PCSK6: variants seen among roughly 807,000 people sequenced by gnomAD.
PCSK6 encodes the protein paired basic amino acid cleaving enzyme 4.
Under a neutral mutation model 123.3 loss-of-function variants are expected in PCSK6, and 85 were observed. The ratio of observed to expected loss-of-function variants is 0.69; its 90% CI spans 0.58 to 0.83. PCSK6 has a LOEUF of 0.83. Among genes scored for constraint, PCSK6 ranks in the 40% least tolerant of loss-of-function variants. PCSK6 has a pLI of 0.00. For missense variants in PCSK6, 1,191 were observed against 1,282.3 expected, an observed-to-expected ratio of 0.93 and a Z score of 1.09; for synonymous variants, 508 against 516.0, an observed-to-expected ratio of 0.98 and a Z score of 0.21.
chr15:101,463,752 C>T (rs886533279), intron 1 of PCSK6, among the ~76,000 whole-genome samples: 3 of 152,004 alleles, frequency 2.0e-5, no homozygotes, highest in East Asian at 1.9e-4. Flanking sequence ...AACAACGTGC[C>T]GGGGAGTTGG....
At chr15:101,387,286 C>T (rs1165974186) in intron 9 of PCSK6, among the ~76,000 whole-genome samples, 1 of 152,180 alleles carries the variant, frequency 6.6e-6, no homozygotes, top group South Asian at 2.1e-4. Context: ...GTCACAGGTG[C>T]AGGCTTTGGA....
At chr15:101,467,646 A>C (rs1384506991) in intron 1 of PCSK6, among the ~76,000 whole-genome samples, 1 of 152,238 alleles carries the variant, frequency 6.6e-6, no homozygotes, top group African/African-American at 2.4e-5. Context: ...GCTGGCCAAA[A>C]AACACGGTAG....
In PCSK6 at chr15:101,305,155, G is replaced by A. The variant is rs2039691769; in HGVS notation, c.*103C>T. The A allele has an allele frequency of 1.1e-6, 1 of 949,134 alleles. No homozygotes were observed. Among genetic ancestry groups the A allele is most frequent in the Non-Finnish European group, 1.6e-6 (1 of 616,878 alleles). The allele number at this position is 949,134 out of a possible 1,614,324, so 58.8% of individuals were successfully genotyped here. A position where few individuals can be genotyped will look rare whatever the true frequency, so the allele number is the denominator to read the frequency against. On this transcript the variant is annotated 3_prime_UTR_variant, in exon 22 of 22. Transcript: ENST00000611716. The surrounding 1 kb of genome is among the most constrained non-coding windows in gnomAD (Gnocchi z 4.8). ...GCTCCTGGGGAGATAAAGCTGTCAG[G>A]TGCAGGGCGCCGCTCCTGAAACAGA... is the stretch of plus-strand genomic sequence containing the variant.
At chr15:101,426,185 GC>G (rs780911609) in intron 6 of PCSK6, among the ~76,000 whole-genome samples, 3 of 152,148 alleles carry the variant, frequency 2.0e-5, no homozygotes, top group African/African-American at 4.8e-5. Flanking sequence ...GGAAGGAGGA[GC>G]TCAGCTATCC....
At chr15:101,408,904 T>C (rs144930851) in intron 6 of PCSK6, among the ~76,000 whole-genome samples, 278 of 152,346 alleles carry the variant, frequency 1.8e-3, no homozygotes, top group African/African-American at 6.2e-3. Context: ...AGGAAAAACA[T>C]GATTCAGTTC....
At chr15:101,396,387 C>T (rs183190994) in intron 7 of PCSK6, among the ~76,000 whole-genome samples, 126 of 152,212 alleles carry the variant, frequency 8.3e-4, no homozygotes, top group African/African-American at 2.5e-3. Context: ...CCCTCCTGGA[C>T]GGAGGGTGCC....
At chr15:101,330,051 G>A (rs1336321371) in intron 15 of PCSK6, among the ~76,000 whole-genome samples, 2 of 152,186 alleles carry the variant, frequency 1.3e-5, no homozygotes, top group African/African-American at 4.8e-5. Context: ...GGAGTCCCTG[G>A]GGTGGCCTCC....
At chr15:101,413,687 G>A (rs2055784793) in intron 6 of PCSK6, among the ~76,000 whole-genome samples, 3 of 152,092 alleles carry the variant, frequency 2.0e-5, no homozygotes, top group African/African-American at 2.4e-5. Context: ...TAGAAGAGAG[G>A]ACTTGAAATG....
At position 101,307,218 on chromosome 15, in the gene PCSK6, C is replaced by A. The variant is rs770686979; in HGVS notation, c.2807G>T (p.Ser936Ile). 4 of 1,611,874 alleles carry A rather than the reference C, an allele frequency of 2.5e-6. No homozygotes were observed. Among genetic ancestry groups the A allele is most frequent in the African/African-American group, 2.7e-5 (2 of 74,902 alleles). Residue 936 changes from serine to isoleucine, a missense_variant, in exon 21 of 22, where the codon AGC becomes ATC. Ser to Ile is a moderately radical substitution (Grantham distance 142). Coordinates refer to ENST00000611716, the MANE Select transcript of PCSK6 (RefSeq NM_002570.5). ...GTAACCCAGCTGCTGCTCACCGTTG[C>A]TGCACGTGTGGTTGGTGATGCAGGA... ...GTSCITNHTC[S>I]NADETFCEMV...
intron 1 of PCSK6, among the ~76,000 whole-genome samples, chr15:101,468,439 G>A (rs1046789313): frequency 1.3e-5 from 2 of 152,138 alleles, no homozygotes; most frequent in African/African-American, 2.4e-5. Flanking sequence ...CTGGAATTGG[G>A]TGACATCCAG....
At chr15:101,372,895 A>G (rs1041982964) in intron 11 of PCSK6, among the ~76,000 whole-genome samples, 1 of 152,186 alleles carries the variant, frequency 6.6e-6, no homozygotes, top group Admixed American at 6.5e-5. Flanking sequence ...CCAATTGCTC[A>G]TCGGTAGGGG....
chr15:101,481,135 G>T (rs2412007), intron 1 of PCSK6, among the ~76,000 whole-genome samples: 18 of 152,086 alleles, frequency 1.2e-4, no homozygotes, highest in African/African-American at 4.3e-4. Flanking sequence ...GCCTAACTTT[G>T]GGCTGACTCA....
chr15:101,363,818 T>A (rs2141446675), intron 13 of PCSK6, among the ~76,000 whole-genome samples: 1 of 151,968 alleles, frequency 6.6e-6, no homozygotes, highest in Middle Eastern at 3.4e-3. Context: ...TTTTGGATTT[T>A]TAGTAGAGAT....
intron 13 of PCSK6, among the ~76,000 whole-genome samples, chr15:101,361,209 T>G (rs758593982): frequency 8.6e-5 from 13 of 151,786 alleles, no homozygotes; most frequent in Non-Finnish European, 1.6e-4. Context: ...TCTTCACTCT[T>G]ATTTCCCTCT....
At chr15:101,457,041 T>C (rs2057202919) in intron 1 of PCSK6, among the ~76,000 whole-genome samples, 1 of 152,010 alleles carries the variant, frequency 6.6e-6, no homozygotes, top group South Asian at 2.1e-4. Flanking sequence ...GGTGTGGTGG[T>C]GCACACCTGT....
intron 1 of PCSK6, among the ~76,000 whole-genome samples, chr15:101,477,227 G>GT (rs2141252322): frequency 6.6e-6 from 1 of 152,206 alleles, no homozygotes; most frequent in East Asian, 1.9e-4. Flanking sequence ...TAAGACATTG[G>GT]TGAATATATG....
At chr15:101,462,275 T>C (rs1197060693) in intron 1 of PCSK6, among the ~76,000 whole-genome samples, 1 of 152,222 alleles carries the variant, frequency 6.6e-6, no homozygotes, top group Non-Finnish European at 1.5e-5. Context: ...TTACAAACTT[T>C]ACTAATACTT....
At chr15:101,403,190 A>T (rs1212800381) in intron 6 of PCSK6, among the ~76,000 whole-genome samples, 1 of 146,826 alleles carries the variant, frequency 6.8e-6, no homozygotes, top group Non-Finnish European at 1.5e-5. Context: ...CAAACACCGC[A>T]TGTTCTCACT....
rs565061425 is a variant in PCSK6 at position 101,392,896 on chromosome 15, G to A, written c.1209+316C>T. On this transcript the variant is annotated intron_variant, in intron 8 of 21. Coordinates refer to ENST00000611716, the MANE Select transcript of PCSK6 (RefSeq NM_002570.5). ...TTGGATTCCAAGACATGTGACCACA[G>A]AATTTCAGAGTTAAAACAAGACATC... 2.6e-4 allele frequency among the ~76,000 whole-genome samples: 40 copies of A among 152,242 alleles called. 1 individual carries two copies. The South Asian group carries it at 4.8e-3, about 18-fold the overall frequency.
Sources: allele counts gnomAD v4.1 joint callset (sites outside exome capture counted in the v4.1 genomes callset), GRCh38; gene constraint gnomAD v4.1.1; non-coding constraint Gnocchi (gnomAD v3.1); transcripts MANE v1.5; gene names NCBI Gene and HGNC (gene_info 2026-07-23, HGNC 2026-07-21).